Variants in PHAF1 observed in about 807,000 individuals in gnomAD.
PHAF1 encodes phagosome assembly factor 1.
In PHAF1, 23 loss-of-function variants were observed where a neutral mutation model predicts 63.1. The observed-to-expected ratio is 0.36, with a 90% CI of 0.26 to 0.52. PHAF1 has a LOEUF of 0.52. Ranked by LOEUF, PHAF1 falls within the 20% of genes least tolerant of loss-of-function variation. The pLI, the probability that PHAF1 is intolerant of heterozygous loss-of-function variation, is 0.93. For missense variants in PHAF1, 427 were observed against 517.2 expected (o/e 0.83, Z 1.69); for synonymous variants, 167 against 185.0 (o/e 0.90, Z 0.79).
rs770859815 is a variant in PHAF1 at position 67,134,592 on chromosome 16, A to T, written c.661+125A>T. The T allele has an allele frequency of 4.7e-5, 42 of 887,766 alleles. No individual in the cohort carries two copies. The Middle Eastern group carries it at 1.3e-3, about 29-fold the overall frequency. The allele number at this position is 887,766 out of a possible 1,614,324, so 55.0% of individuals were successfully genotyped here. ...TGCTATAATAAAATACCATAAACTG[A>T]GTGGCTGCTAAACAACAAAAATTTA... On this transcript the variant is annotated intron_variant, in intron 8 of 15. Coordinates refer to ENST00000219139, the MANE Select transcript of PHAF1 (RefSeq NM_025187.5).
intron 3 of PHAF1, among the ~76,000 whole-genome samples, chr16:67,129,036 G>C (rs1963294596): frequency 6.6e-6 from 1 of 152,218 alleles, no homozygotes; most frequent in African/African-American, 2.4e-5. Context: ...GCCTGTGCCT[G>C]CTATGAACAG....
chr16:67,140,027 T>A lies in PHAF1; in HGVS notation c.705T>A (p.Phe235Leu). 6.2e-7 allele frequency: 1 copy of A among 1,614,184 alleles called. No individual in the cohort carries two copies. Among genetic ancestry groups the A allele is most frequent in the Admixed American group, 1.7e-5 (1 of 60,026 alleles). Residue 235 changes from phenylalanine (F) to leucine (L), a missense_variant, in exon 9 of 16, where the codon TTT (phenylalanine) becomes TTA (leucine). Transcript: ENST00000219139. ...GLLADAKMRV[F>L]ERSVYFGDSC... The stretch of plus-strand genomic sequence containing the variant: ...TAGCAGATGCCAAGATGCGGGTATT[T>A]GAACGTTCAGTGTATTTTGGTGATT...
rs568254503 is a variant in PHAF1 at position 67,125,340 on chromosome 16, A to T, written c.148-619A>T. Among the ~76,000 whole-genome samples the T allele has an allele frequency of 5.3e-5, 8 of 152,306 alleles. No homozygotes were observed. The South Asian group carries it at 1.7e-3, about 32-fold the overall frequency. ...TCTTAGACTTCGGCTTTTCAGGAAG[A>T]AGCACAAATGAAATGGGATGGGAGG... On this transcript the variant is annotated intron_variant, in intron 2 of 15. Transcript: ENST00000219139.
rs371388607 is a variant in PHAF1, at chr16:67,144,890, A to G, written c.1006+13A>G. 3.8e-5 allele frequency: 61 copies of G among 1,612,762 alleles called. No homozygotes were observed. Among genetic ancestry groups the G allele is most frequent in the Non-Finnish European group, 5.2e-5 (61 of 1,178,880 alleles). ...GCCATAAAGAAAGGTGAGTAGTGAA[A>G]GCTCTCAGGGTAAGGGAGGGGTTTT... On this transcript the variant is annotated intron_variant, in intron 12 of 15. Coordinates refer to ENST00000219139, the MANE Select transcript of PHAF1 (RefSeq NM_025187.5).
At chr16:67,144,222 C>A in intron 10 of PHAF1, 72 bp from the exon 11 acceptor site, 3 of 1,097,400 alleles carry the variant, frequency 2.7e-6, no homozygotes, top group Non-Finnish European at 2.8e-6. Flanking sequence ...CCAAGTTGGA[C>A]ATGCCTTTGG....
At position 67,110,087 on chromosome 16, in the gene PHAF1, G is replaced by C; in HGVS notation, c.-89G>C. The C allele has an allele frequency of 7.2e-7, 1 of 1,397,288 alleles. No individual in the cohort carries two copies. The highest frequency in any genetic ancestry group is 9.7e-7 in the Non-Finnish European group (1 of 1,033,298). The allele number at this position is 1,397,288 out of a possible 1,614,324, so 86.6% of individuals were successfully genotyped here. A position where few individuals can be genotyped will look rare whatever the true frequency, so the allele number is the denominator to read the frequency against. On this transcript the variant is annotated 5_prime_UTR_variant, in exon 1 of 16. Transcript: ENST00000219139. ...GCGGGGCTGTGGCGGGCCGGCGGGG[G>C]CGGCCTGTCAGCCGCTGCTTTGTCT...
At chr16:67,134,857 G>A in intron 8 of PHAF1, 1 of 374,046 alleles carries the variant, frequency 2.7e-6, no homozygotes, top group South Asian at 2.0e-5. Flanking sequence ...TCACCTTGGT[G>A]GTTAGGATTT....
At chr16:67,110,322 A>G in intron 1 of PHAF1, 83 bp downstream of exon 1, 3 of 1,445,302 alleles carry the variant, frequency 2.1e-6, no homozygotes, top group Non-Finnish European at 2.8e-6. Context: ...TCAGTCTCTC[A>G]CGCCCCTGCG....
At chr16:67,133,954 GAAAA>G (rs886990689) in intron 6 of PHAF1, among the ~76,000 whole-genome samples, 7 of 149,246 alleles carry the variant, frequency 4.7e-5, no homozygotes, top group Non-Finnish European at 1.0e-4. Context: ...CAAAAAAAAA[GAAAA>G]AAAAAGAAAA....
intron 5 of PHAF1, 39 bp downstream of exon 5, chr16:67,132,564 C>T (rs773440272): frequency 4.4e-6 from 7 of 1,583,734 alleles, no homozygotes; most frequent in Middle Eastern, 1.7e-4. Context: ...TCATCAGTGG[C>T]AGTTCATAGC....
chr16:67,113,290 G>C (rs1962592748), intron 1 of PHAF1, among the ~76,000 whole-genome samples: 1 of 152,094 alleles, frequency 6.6e-6, no homozygotes, highest in Non-Finnish European at 1.5e-5. Context: ...TGCCTTCCTG[G>C]TTGTATAATG....
Position 67,109,956 on chromosome 16 carries a change from G to T in PHAF1, c.-220G>T. On this transcript the variant is annotated 5_prime_UTR_variant, in exon 1 of 16. Coordinates refer to ENST00000219139, the MANE Select transcript of PHAF1 (RefSeq NM_025187.5). Reference sequence around the variant, plus strand: ...CACTTTTACTGCAGTCGCGCCCGCCGCCGTCGTTGCCCCCGCTGCCGCGGC... The same window carrying T: ...CACTTTTACTGCAGTCGCGCCCGCCTCCGTCGTTGCCCCCGCTGCCGCGGC... 1 of 518,940 alleles carries T rather than the reference G, an allele frequency of 1.9e-6. No homozygotes were observed. Among genetic ancestry groups the T allele is most frequent in the Non-Finnish European group, 3.4e-6 (1 of 295,594 alleles). 32.1% of individuals were successfully genotyped at this position (518,940 alleles called of 1,614,324 possible).
chr16:67,111,983 A>G (rs948685537), intron 1 of PHAF1, among the ~76,000 whole-genome samples: 2 of 152,196 alleles, frequency 1.3e-5, no homozygotes, highest in South Asian at 2.1e-4. Flanking sequence ...CCACTCCTGC[A>G]GAGTTCTTTC....
Position 67,146,389 on chromosome 16 carries a change from G to T in PHAF1, c.1182+39G>T, listed in dbSNP as rs374724975. On this transcript the variant is annotated intron_variant, in intron 15 of 15. Coordinates refer to ENST00000219139, the MANE Select transcript of PHAF1 (RefSeq NM_025187.5). ...GCCCTAGAAATAAACTGCCTGGGGGGTTGCTGGTCATGGCAGGGCCAGGTG... is the reference window on the plus strand; with the variant it reads ...GCCCTAGAAATAAACTGCCTGGGGGTTTGCTGGTCATGGCAGGGCCAGGTG... The T allele has an allele frequency of 5.0e-5, 80 of 1,585,766 alleles. No individual in the cohort carries two copies. The African/African-American group carries it at 1.0e-3, about 20-fold the overall frequency.
chr16:67,142,659 C>T (rs1053574000), intron 10 of PHAF1, among the ~76,000 whole-genome samples: 34 of 152,356 alleles, frequency 2.2e-4, no homozygotes, highest in Non-Finnish European at 4.1e-4. Flanking sequence ...TGGGAGCAGG[C>T]ACTTTCAAGC....
Position 67,147,281 on chromosome 16 carries a change from C to A in PHAF1, c.*150C>A. The A allele has an allele frequency of 1.4e-6, 1 of 715,560 alleles. No individual in the cohort carries two copies. Among genetic ancestry groups the A allele is most frequent in the Non-Finnish European group, 2.3e-6 (1 of 428,916 alleles). The allele number at this position is 715,560 out of a possible 1,614,324, so 44.3% of individuals were successfully genotyped here. ...TCTGAGGTTGGGCTCAGGCTGGGTG[C>A]TCTGCCATGGGCTGAGTGGCCCAGA... On this transcript the variant is annotated 3_prime_UTR_variant, in exon 16 of 16. Coordinates refer to ENST00000219139, the MANE Select transcript of PHAF1 (RefSeq NM_025187.5).
chr16:67,128,112 G>T (rs575553618), intron 3 of PHAF1, among the ~76,000 whole-genome samples: 27 of 152,098 alleles, frequency 1.8e-4, no homozygotes, highest in Non-Finnish European at 3.2e-4. Context: ...TGTGAAGTAG[G>T]TACTGTTTAC....
intron 1 of PHAF1, among the ~76,000 whole-genome samples, chr16:67,110,599 ATTT>A (rs1193723676): frequency 1.3e-5 from 2 of 151,944 alleles, no homozygotes; most frequent in Middle Eastern, 3.2e-3. Context: ...TCCCATTTCC[ATTT>A]TACAGACTAA....
intron 10 of PHAF1, among the ~76,000 whole-genome samples, 179 bp from the exon 11 acceptor site, chr16:67,144,115 G>T (rs1486948024): frequency 6.6e-6 from 1 of 151,984 alleles, no homozygotes; most frequent in Admixed American, 6.6e-5. Flanking sequence ...AAAGAAGAAA[G>T]AAAATGTCTA....
Sources: allele counts gnomAD v4.1 joint callset (sites outside exome capture counted in the v4.1 genomes callset), GRCh38; gene constraint gnomAD v4.1.1; transcripts MANE v1.5; gene names NCBI Gene and HGNC (gene_info 2026-07-23, HGNC 2026-07-21).